Variants in DLG2 observed in about 807,000 individuals in gnomAD.
DLG2 encodes discs large MAGUK scaffold protein 2.
DLG2 carries 45 observed loss-of-function variants against 132.5 expected under a neutral mutation model. The ratio of observed to expected loss-of-function variants is 0.34; its 90% CI spans 0.27 to 0.44. DLG2 has a LOEUF of 0.44. Among genes scored for constraint, DLG2 ranks in the 20% least tolerant of loss-of-function variants. The probability of loss-of-function intolerance (pLI) is 1.00; values close to 1 mark genes in which losing one functional copy is unlikely to be tolerated. For synonymous variants in DLG2, 424 were observed against 419.6 expected, an observed-to-expected ratio of 1.01 and a Z score of -0.13; for missense variants, 1,045 against 1,196.9, an observed-to-expected ratio of 0.87 and a Z score of 1.87.
chr11:84,331,981 A>C (rs1020673433), intron 7 of DLG2, among the ~76,000 whole-genome samples: 1 of 152,184 alleles, frequency 6.6e-6, no homozygotes, highest in Non-Finnish European at 1.5e-5. Context: ...ATTTATTAGG[A>C]CACAACCAAC....
intron 11 of DLG2, among the ~76,000 whole-genome samples, chr11:84,033,094 A>G (rs1209857352): frequency 6.6e-6 from 1 of 152,182 alleles, no homozygotes; most frequent in Non-Finnish European, 1.5e-5. Context: ...CTAACACGAT[A>G]TCCATTCTAC....
At chr11:83,707,011 C>T (rs888540928) in intron 18 of DLG2, among the ~76,000 whole-genome samples, 4 of 152,188 alleles carry the variant, frequency 2.6e-5, no homozygotes, top group African/African-American at 9.7e-5. Flanking sequence ...CATTTTATCA[C>T]TTAATTATCA....
intron 18 of DLG2, among the ~76,000 whole-genome samples, chr11:83,738,457 T>C (rs977756246): frequency 1.3e-5 from 2 of 152,074 alleles, no homozygotes; most frequent in African/African-American, 4.8e-5. Flanking sequence ...GAAATGTACC[T>C]GTCTAGCACA....
intron 19 of DLG2, among the ~76,000 whole-genome samples, chr11:83,585,639 A>G (rs533789623): frequency 1.3e-5 from 2 of 152,358 alleles, no homozygotes; most frequent in South Asian, 2.1e-4. Context: ...CAACATTTGG[A>G]TATTTTTCTG....
intron 3 of DLG2, among the ~76,000 whole-genome samples, chr11:85,485,299 A>C (rs1002938292): frequency 2.0e-5 from 3 of 152,202 alleles, no homozygotes; most frequent in Non-Finnish European, 4.4e-5. Context: ...ACATGTATAC[A>C]TATGTAACTA....
intron 7 of DLG2, among the ~76,000 whole-genome samples, chr11:84,361,199 T>G (rs1365024433): frequency 2.0e-5 from 3 of 151,874 alleles, no homozygotes; most frequent in Non-Finnish European, 4.4e-5. Context: ...TGACCAATAG[T>G]TTTCCACATT....
At chr11:84,228,643 T>C (rs1240569648) in intron 8 of DLG2, among the ~76,000 whole-genome samples, 4 of 152,242 alleles carry the variant, frequency 2.6e-5, no homozygotes, top group Non-Finnish European at 4.4e-5. Context: ...GAAACATTTA[T>C]CATTTTAACA....
intron 4 of DLG2, among the ~76,000 whole-genome samples, chr11:85,254,620 G>A (rs1414578230): frequency 6.6e-6 from 1 of 152,128 alleles, no homozygotes; most frequent in African/African-American, 2.4e-5. Flanking sequence ...TTTAACTCTA[G>A]ATCTTGACTA....
At chr11:85,608,475 C>A (rs966170883) in intron 2 of DLG2, among the ~76,000 whole-genome samples, 1 of 152,136 alleles carries the variant, frequency 6.6e-6, no homozygotes, top group African/African-American at 2.4e-5. Flanking sequence ...TCCATGCTTT[C>A]TTTTCATTGA....
intron 6 of DLG2, among the ~76,000 whole-genome samples, chr11:84,663,231 A>T (rs1454903180): frequency 2.2e-5 from 3 of 138,972 alleles, no homozygotes; most frequent in East Asian, 2.0e-4. Context: ...TTTACAGGTT[A>T]TATATATATA....
chr11:84,495,207 AT>A (rs936690677), intron 7 of DLG2, among the ~76,000 whole-genome samples: 7 of 152,052 alleles, frequency 4.6e-5, no homozygotes, highest in Non-Finnish European at 5.9e-5. Context: ...CATTCTTGCT[AT>A]TTCTCTGACA....
intron 6 of DLG2, among the ~76,000 whole-genome samples, chr11:84,740,109 T>C (rs1278953024): frequency 6.6e-6 from 1 of 151,400 alleles, no homozygotes; most frequent in Non-Finnish European, 1.5e-5. Context: ...GAAGGAAGGT[T>C]GCAAGAAAGG....
rs564761897 is a variant in DLG2 at position 84,898,455 on chromosome 11, ATCT to A, written c.357+213203_357+213205del. 8.6e-4 allele frequency among the ~76,000 whole-genome samples: 131 copies of A among 152,102 alleles called. 1 individual carries two copies. The highest frequency in any genetic ancestry group is 3.2e-3 in the African/African-American group (131 of 41,556). Reference sequence around the variant, plus strand: ...AAGAGTACTCAAAGCCTCCTGCATTATCTTCATCATACAATTTCATTTCTTACT... The same window carrying A: ...AAGAGTACTCAAAGCCTCCTGCATTATCATCATACAATTTCATTTCTTACT... On this transcript the variant is annotated intron_variant, in intron 6 of 27. Coordinates refer to ENST00000376104, the MANE Select transcript of DLG2 (RefSeq NM_001142699.3).
intron 18 of DLG2, among the ~76,000 whole-genome samples, chr11:83,717,647 A>G (rs1236184589): frequency 6.6e-6 from 1 of 152,198 alleles, no homozygotes; most frequent in African/African-American, 2.4e-5. Context: ...ACACAGGGGG[A>G]AAAAAGTACA....
At chr11:83,479,792 C>T (rs1327608014) in intron 22 of DLG2, among the ~76,000 whole-genome samples, 6 of 152,060 alleles carry the variant, frequency 3.9e-5, no homozygotes, top group Admixed American at 3.9e-4. Flanking sequence ...GTTCCTTCAA[C>T]ATTAGAGGAT....
rs541091359 is a variant in DLG2 at position 84,465,374 on chromosome 11, C to T, written c.519+69196G>A. ...ACATTAGGCAAGTGGCATTTATTTG[C>T]CTCATATCTACTTACTAGTGGATCT... On this transcript the variant is annotated intron_variant, in intron 7 of 27. Coordinates refer to ENST00000376104, the MANE Select transcript of DLG2 (RefSeq NM_001142699.3). Among the ~76,000 whole-genome samples the T allele has an allele frequency of 3.3e-5, 5 of 151,218 alleles. No individual in the cohort carries two copies. In the East Asian group the frequency reaches 7.8e-4, roughly 24 times the overall value.
At chr11:84,055,173 C>A (rs1057198387) in intron 11 of DLG2, among the ~76,000 whole-genome samples, 26 of 152,082 alleles carry the variant, frequency 1.7e-4, no homozygotes, top group Admixed American at 1.6e-3. Flanking sequence ...CCTTCATAAT[C>A]TTCCCTACCT....
Position 84,741,567 on chromosome 11 carries a change from AT to A in DLG2, c.358-206837del, listed in dbSNP as rs1321270407. On this transcript the variant is annotated intron_variant, in intron 6 of 27. Coordinates refer to ENST00000376104, the MANE Select transcript of DLG2 (RefSeq NM_001142699.3). ...ATACTCACAAACATCACTAGTGTGA[AT>A]TACAGCTGAAGAAACCACATAAAGA... 2.6e-5 allele frequency among the ~76,000 whole-genome samples: 4 copies of A among 152,266 alleles called. No homozygotes were observed. The East Asian group carries it at 7.7e-4, about 29-fold the overall frequency.
chr11:85,001,880 C>A (rs1472000270), intron 6 of DLG2, among the ~76,000 whole-genome samples: 1 of 152,152 alleles, frequency 6.6e-6, no homozygotes, highest in Non-Finnish European at 1.5e-5. Flanking sequence ...TCTATATCTT[C>A]TGCTCAATAT....
Sources: gnomAD v4.1 joint callset for allele counts (sites outside exome capture counted in the v4.1 genomes callset) on GRCh38, gnomAD v4.1.1 for gene constraint, MANE v1.5 for transcripts, NCBI Gene and HGNC (gene_info 2026-07-23, HGNC 2026-07-21) for gene names.